The following PBX1 variants were observed in gnomAD, a reference collection of about 807,000 sequenced individuals.
PBX1 encodes PBX homeobox 1, also known as pre-B-cell leukemia transcription factor 1.
Under a neutral mutation model 53.4 loss-of-function variants are expected in PBX1, and 6 were observed. The ratio of observed to expected loss-of-function variants is 0.11; its 90% CI spans 0.06 to 0.22. PBX1 has a LOEUF of 0.22. PBX1 is among the 10% of genes least tolerant of loss of function. PBX1 has a pLI of 1.00. For synonymous variants in PBX1, 204 were observed against 212.3 expected (o/e 0.96, Z 0.34); for missense variants, 251 against 551.4 (o/e 0.46, Z 5.46).
chr1:164,824,279 G>A (rs1670312205), intron 8 of PBX1, among the ~76,000 whole-genome samples: 1 of 152,188 alleles, frequency 6.6e-6, no homozygotes, highest in Admixed American at 6.5e-5. Context: ...AGAATTGCAA[G>A]GTGCGGTGGT....
chr1:164,672,330 A>T (rs541729386), intron 2 of PBX1, among the ~76,000 whole-genome samples: 1 of 152,174 alleles, frequency 6.6e-6, no homozygotes, highest in African/African-American at 2.4e-5. Context: ...ACACCCTTCC[A>T]GACCCTGTGC....
chr1:164,567,014 G>C (rs1428044529), intron 2 of PBX1, among the ~76,000 whole-genome samples: 1 of 152,060 alleles, frequency 6.6e-6, no homozygotes, highest in Non-Finnish European at 1.5e-5. Context: ...TCACAGAACT[G>C]TAGTGTGTGT....
chr1:164,870,278 T>TC (rs1672334519), intron 2 of PBX1, among the ~76,000 whole-genome samples: 2 of 23,816 alleles, frequency 8.4e-5, no homozygotes, highest in African/African-American at 1.3e-4. Flanking sequence ...TCTTTCTTTC[T>TC]TTCTTTCTTT....
chr1:164,719,783 A>AT (rs1435500908), intron 2 of PBX1, among the ~76,000 whole-genome samples: 1 of 152,106 alleles, frequency 6.6e-6, no homozygotes, highest in Non-Finnish European at 1.5e-5. Flanking sequence ...TGTGTGTCTA[A>AT]AGTGTGCGTG....
At chr1:164,834,050 T>C (rs1036642643) in intron 8 of PBX1, among the ~76,000 whole-genome samples, 1 of 148,764 alleles carries the variant, frequency 6.7e-6, no homozygotes, top group Admixed American at 6.6e-5. Flanking sequence ...TGTGTGTGTG[T>C]GTGTGTGTGT....
chr1:164,670,989 A>G (rs763102050), intron 2 of PBX1, among the ~76,000 whole-genome samples: 1 of 152,192 alleles, frequency 6.6e-6, no homozygotes, highest in Non-Finnish European at 1.5e-5. Context: ...TCAGCCAGTG[A>G]CATCCCGCAT....
intron 2 of PBX1, among the ~76,000 whole-genome samples, chr1:164,879,028 C>G (rs1349556071): frequency 6.6e-6 from 1 of 152,206 alleles, no homozygotes; most frequent in South Asian, 2.1e-4. Flanking sequence ...GCTGCACAGT[C>G]TCAGCTAAGC....
intron 2 of PBX1, among the ~76,000 whole-genome samples, chr1:164,604,251 T>A (rs567656923): frequency 1.3e-5 from 2 of 152,212 alleles, no homozygotes; most frequent in Non-Finnish European, 2.9e-5. Flanking sequence ...TATCATTTAA[T>A]TCTATTGCCA....
chr1:164,770,472 C>G (rs1667308878), intron 2 of PBX1: 1 of 152,246 alleles, frequency 6.6e-6, no homozygotes, highest in African/African-American at 2.4e-5. Flanking sequence ...TAGTGCCATT[C>G]TCTTCTTCAG....
At position 164,640,560 on chromosome 1, in the gene PBX1, T is replaced by G. The variant is rs56742222; in HGVS notation, c.265+77249T>G. 5.8e-3 allele frequency among the ~76,000 whole-genome samples: 848 copies of G among 145,436 alleles called. 11 individuals are homozygous for G. The highest frequency in any genetic ancestry group is 0.021 in the African/African-American group (803 of 38,790). ...GTTTTTTGGTGTTTTTTTTTTGTGTTTTTTTTTTTTTTTTTAGACGAAATT... is the reference window on the plus strand; with the variant it reads ...GTTTTTTGGTGTTTTTTTTTTGTGTGTTTTTTTTTTTTTTTAGACGAAATT... On this transcript the variant is annotated intron_variant, in intron 2 of 8. Coordinates refer to ENST00000420696, the MANE Select transcript of PBX1 (RefSeq NM_002585.4).
intron 2 of PBX1, among the ~76,000 whole-genome samples, chr1:164,877,706 A>G (rs1271824907): frequency 6.6e-6 from 1 of 152,206 alleles, no homozygotes; most frequent in Non-Finnish European, 1.5e-5. Flanking sequence ...TATTAAACAT[A>G]TTATGCTCAA....
At chr1:164,677,534 A>C (rs1249683872) in intron 2 of PBX1, among the ~76,000 whole-genome samples, 3 of 152,196 alleles carry the variant, frequency 2.0e-5, no homozygotes, top group African/African-American at 4.8e-5. Flanking sequence ...TAAAATATGT[A>C]AACCACAGAT....
chr1:164,579,687 G>A (rs75620539), intron 2 of PBX1, among the ~76,000 whole-genome samples: 3,757 of 152,264 alleles, frequency 0.025, 185 homozygotes, highest in East Asian at 0.18. Flanking sequence ...ATACTTGTGT[G>A]CTCCAAGTGA....
At chr1:164,713,664 G>A (rs925901195) in intron 2 of PBX1, among the ~76,000 whole-genome samples, 14 of 152,224 alleles carry the variant, frequency 9.2e-5, no homozygotes, top group African/African-American at 3.1e-4. Flanking sequence ...AAAGGAACCC[G>A]TGCATGGGGG....
At chr1:164,642,048 T>C (rs1259915434) in intron 2 of PBX1, 1 of 152,220 alleles carries the variant, frequency 6.6e-6, no homozygotes, top group African/African-American at 2.4e-5. Flanking sequence ...TCCTTCATTT[T>C]GTTAAAATGA....
intron 2 of PBX1, among the ~76,000 whole-genome samples, chr1:164,659,241 G>A (rs370475247): frequency 6.6e-6 from 1 of 152,126 alleles, no homozygotes; most frequent in South Asian, 2.1e-4. Context: ...GATATACATC[G>A]ATTCACATCT....
In PBX1 at chr1:164,706,823, TG is replaced by T. The variant is rs1184105787; in HGVS notation, c.266-85668del. Among the ~76,000 whole-genome samples, 12 of 152,324 alleles carry T rather than the reference TG, an allele frequency of 7.9e-5. No homozygotes were observed. In the South Asian group the frequency reaches 2.3e-3, roughly 29 times the overall value. On this transcript the variant is annotated intron_variant, in intron 2 of 8. Transcript: ENST00000420696. ...TCTTGCTGAAGTCTTGTTAACTTCC[TG>T]GGTTTCAAAGTCCCACTTCCAGGTA...
chr1:164,874,703 T>C (rs1571551183), intron 2 of PBX1, among the ~76,000 whole-genome samples: 1 of 152,112 alleles, frequency 6.6e-6, no homozygotes, highest in Non-Finnish European at 1.5e-5. Flanking sequence ...CATGTTGGCC[T>C]GGCTGGTCTC....
chr1:164,600,738 T>C (rs1400007610), intron 2 of PBX1, among the ~76,000 whole-genome samples: 2 of 152,214 alleles, frequency 1.3e-5, no homozygotes, highest in Non-Finnish European at 2.9e-5. Flanking sequence ...TGTTAGTTTA[T>C]TTACTGCATT....
Sources: allele counts gnomAD v4.1 joint callset (sites outside exome capture counted in the v4.1 genomes callset), GRCh38; gene constraint gnomAD v4.1.1; transcripts MANE v1.5; gene names NCBI Gene and HGNC (gene_info 2026-07-23, HGNC 2026-07-21).